The following PARP12 variants were observed in gnomAD, a reference collection of about 807,000 sequenced individuals.
PARP12 encodes protein mono-ADP-ribosyltransferase PARP12.
PARP12 carries 59 observed loss-of-function variants against 72.4 expected under a neutral mutation model. The observed-to-expected ratio is 0.81, with a 90% CI of 0.66 to 1.01. The LOEUF is 1.01. PARP12 is among the 50% of genes least tolerant of loss of function. PARP12 has a pLI of 0.00. For synonymous variants in PARP12, 403 were observed against 371.4 expected (o/e 1.09, Z -0.98); for missense variants, 851 against 914.0 (o/e 0.93, Z 0.89).
intron 7 of PARP12, among the ~76,000 whole-genome samples, chr7:140,035,970 AC>A (rs1816159732): frequency 1.5e-5 from 1 of 67,204 alleles, no homozygotes. Context: ...GAGGAGGAGG[AC>A]GAGGAGGAGG....
At position 140,059,083 on chromosome 7, in the gene PARP12, G is replaced by A. The variant is rs372177041; in HGVS notation, c.327-1049C>T. Among the ~76,000 whole-genome samples the A allele has an allele frequency of 7.2e-4, 107 of 149,024 alleles. 1 individual carries two copies. Among genetic ancestry groups the A allele is most frequent in the African/African-American group, 2.5e-3 (103 of 40,420 alleles). The stretch of plus-strand genomic sequence containing the variant: ...GCACTCCAGCCTGGGCAACAGGAGC[G>A]AGACTCTGTCTCAAAAAAAAAAAAA... On this transcript the variant is annotated intron_variant, in intron 1 of 11. Transcript: ENST00000263549.
intron 11 of PARP12, chr7:140,025,143 G>GC (rs1197463954): frequency 1.2e-5 from 6 of 492,316 alleles, no homozygotes; most frequent in Admixed American, 6.6e-5. Flanking sequence ...TTCCGGATCT[G>GC]CCCCACGAAA....
At chr7:140,038,812 GAGACA>G (rs1346042076) in intron 6 of PARP12, among the ~76,000 whole-genome samples, 6 of 152,174 alleles carry the variant, frequency 3.9e-5, no homozygotes. Context: ...GAACAAAAGT[GAGACA>G]AGACAAGAGT....
At position 140,050,631 on chromosome 7, in the gene PARP12, A is replaced by G. The variant is rs372313857; in HGVS notation, c.863-3624T>C. ...ACAATTCAAAGAGAGGCAGCAACTC[A>G]CACAGAAACAGCGATACCTAAGGAC... On this transcript the variant is annotated intron_variant, in intron 4 of 11. Coordinates refer to ENST00000263549, the MANE Select transcript of PARP12 (RefSeq NM_022750.4). Among the ~76,000 whole-genome samples, 46 of 152,334 alleles carry G rather than the reference A, an allele frequency of 3.0e-4. 1 individual carries two copies. The South Asian group carries it at 9.1e-3, about 30-fold the overall frequency.
intron 4 of PARP12, among the ~76,000 whole-genome samples, chr7:140,050,333 G>A (rs999636731): frequency 8.5e-5 from 13 of 152,204 alleles, no homozygotes; most frequent in African/African-American, 3.1e-4. Flanking sequence ...TGTGAAGGAA[G>A]CTTGCTGTGC....
In PARP12 at chr7:140,027,158, C is replaced by T. The variant is rs527466169; in HGVS notation, c.1628+118G>A. The T allele has an allele frequency of 1.4e-5, 19 of 1,365,642 alleles. No homozygotes were observed. In the South Asian group the frequency reaches 2.3e-4, roughly 17 times the overall value. The allele number at this position is 1,365,642 out of a possible 1,614,324, so 84.6% of individuals were successfully genotyped here. A position where few individuals can be genotyped will look rare whatever the true frequency, so the allele number is the denominator to read the frequency against. On this transcript the variant is annotated intron_variant, in intron 10 of 11. Transcript: ENST00000263549. ...AGGAGAGCAGACACACAGCTCCCAG[C>T]ACATGGCAGCCCTAACTGCCGCTCT...
At chr7:140,036,452 C>A (rs1003496148) in intron 7 of PARP12, among the ~76,000 whole-genome samples, 3 of 152,120 alleles carry the variant, frequency 2.0e-5, no homozygotes, top group African/African-American at 4.8e-5. Context: ...CCAGCAGAGG[C>A]AGTTCGCACT....
intron 7 of PARP12, among the ~76,000 whole-genome samples, chr7:140,036,136 T>TA (rs1407543459): frequency 2.6e-5 from 4 of 152,202 alleles, no homozygotes; most frequent in African/African-American, 9.6e-5. Context: ...GCAGGAATCA[T>TA]AAACTGCACG....
intron 1 of PARP12, among the ~76,000 whole-genome samples, chr7:140,062,189 C>T (rs1324730889): frequency 6.6e-6 from 1 of 152,078 alleles, no homozygotes; most frequent in Admixed American, 6.5e-5. Context: ...GGGCGACCCG[C>T]GGCGTCGTGG....
At chr7:140,035,930 G>A (rs964098115) in intron 7 of PARP12, among the ~76,000 whole-genome samples, 1 of 89,854 alleles carries the variant, frequency 1.1e-5, no homozygotes, top group Admixed American at 1.1e-4. Flanking sequence ...GGAGGACAAG[G>A]AGGAGGAGGA....
intron 8 of PARP12, among the ~76,000 whole-genome samples, chr7:140,031,305 G>A (rs901072729): frequency 1.2e-4 from 18 of 152,008 alleles, no homozygotes; most frequent in African/African-American, 2.9e-4. Flanking sequence ...CCCGGGAGGT[G>A]GAAGGTGCAA....
chr7:140,060,280 C>CT (rs1817390529), intron 1 of PARP12, among the ~76,000 whole-genome samples: 1 of 152,156 alleles, frequency 6.6e-6, no homozygotes, highest in South Asian at 2.1e-4. Context: ...CCTAGACCAC[C>CT]AGGCTCAATG....
chr7:140,027,692 TAA>T (rs1247967005), intron 9 of PARP12: 2 of 246,000 alleles, frequency 8.1e-6, no homozygotes, highest in Non-Finnish European at 1.7e-5. Context: ...TGTGCCACTT[TAA>T]GTCAGTTTCC....
chr7:140,039,433 A>G (rs1365173549), intron 6 of PARP12, among the ~76,000 whole-genome samples: 1 of 152,178 alleles, frequency 6.6e-6, no homozygotes, highest in Non-Finnish European at 1.5e-5. Flanking sequence ...CAAAAAGCAA[A>G]GAGTTTTTTT....
chr7:140,042,404 G>A (rs1352826597), intron 5 of PARP12, among the ~76,000 whole-genome samples: 2 of 152,206 alleles, frequency 1.3e-5, no homozygotes, highest in African/African-American at 4.8e-5. Context: ...GAGCCACCAG[G>A]ACACGCTCCC....
chr7:140,061,339 G>A (rs1318972872), intron 1 of PARP12, among the ~76,000 whole-genome samples: 1 of 152,220 alleles, frequency 6.6e-6, no homozygotes, highest in African/African-American at 2.4e-5. Flanking sequence ...GGGGCACAGA[G>A]CGGAGGTCAG....
At chr7:140,060,107 A>G (rs1430301367) in intron 1 of PARP12, among the ~76,000 whole-genome samples, 2 of 152,376 alleles carry the variant, frequency 1.3e-5, no homozygotes, top group Non-Finnish European at 2.9e-5. Flanking sequence ...TTATGAGTTA[A>G]TCATTCAGTC....
At chr7:140,047,090 T>A in intron 4 of PARP12, 83 bp from the exon 5 acceptor site, 2 of 1,452,004 alleles carry the variant, frequency 1.4e-6, no homozygotes, top group South Asian at 2.8e-5. Context: ...GGTGTGGTGC[T>A]GCCCACTGAC....
At chr7:140,059,820 C>G (rs62491364) in intron 1 of PARP12, among the ~76,000 whole-genome samples, 1 of 152,146 alleles carries the variant, frequency 6.6e-6, no homozygotes. Context: ...AATCTGTCAG[C>G]GCAGAGCGGA....
Sources: gnomAD v4.1 joint callset for allele counts (sites outside exome capture counted in the v4.1 genomes callset) on GRCh38, gnomAD v4.1.1 for gene constraint, MANE v1.5 for transcripts, NCBI Gene and HGNC (gene_info 2026-07-23, HGNC 2026-07-21) for gene names.